Variants in CSMD3 observed in about 807,000 individuals in gnomAD.
The protein encoded by CSMD3 is CUB and Sushi multiple domains 3.
Under a neutral mutation model 435.2 loss-of-function variants are expected in CSMD3, and 177 were observed. The observed-to-expected ratio is 0.41, with a 90% CI of 0.36 to 0.46. The LOEUF (loss-of-function observed/expected upper bound fraction) is 0.46. Among genes scored for constraint, CSMD3 ranks in the 20% least tolerant of loss-of-function variants. CSMD3 has a pLI of 0.34. For missense variants in CSMD3, 4,265 were observed against 4,504.6 expected (o/e 0.95, Z 1.52); for synonymous variants, 1,656 against 1,520.5 (o/e 1.09, Z -2.07).
intron 27 of CSMD3, among the ~76,000 whole-genome samples, chr8:112,539,881 A>G (rs1826495922): frequency 6.6e-6 from 1 of 152,118 alleles, no homozygotes; most frequent in Admixed American, 6.6e-5. Context: ...CAGGCAACAC[A>G]AGCAAAACTA....
At chr8:112,471,439 T>G (rs748447189) in intron 32 of CSMD3, among the ~76,000 whole-genome samples, 6 of 152,198 alleles carry the variant, frequency 3.9e-5, no homozygotes, top group South Asian at 2.1e-4. Flanking sequence ...AACCTTTGAT[T>G]CAACCGATCA....
chr8:113,394,667 C>T (rs1347911404), intron 1 of CSMD3, among the ~76,000 whole-genome samples: 1 of 152,002 alleles, frequency 6.6e-6, no homozygotes, highest in African/African-American at 2.4e-5. Flanking sequence ...ATCTTTGATG[C>T]TTTTGGACTA....
At chr8:113,410,973 A>AG (rs2094556953) in intron 1 of CSMD3, among the ~76,000 whole-genome samples, 3 of 147,318 alleles carry the variant, frequency 2.0e-5, no homozygotes, top group African/African-American at 7.5e-5. Flanking sequence ...GGAGGGAGGA[A>AG]GAAAGGAAGG....
At chr8:112,695,712 GT>G (rs2076238230) in intron 13 of CSMD3, among the ~76,000 whole-genome samples, 1 of 152,164 alleles carries the variant, frequency 6.6e-6, no homozygotes, top group East Asian at 1.9e-4. Context: ...ATTCAACATA[GT>G]GTTGGAAGTT....
intron 13 of CSMD3, among the ~76,000 whole-genome samples, chr8:112,714,192 G>A (rs1450312725): frequency 6.6e-6 from 1 of 151,610 alleles, no homozygotes; most frequent in East Asian, 1.9e-4. Flanking sequence ...TATGTGCACA[G>A]GCACACACAG....
At chr8:113,428,504 G>A (rs55861700) in intron 1 of CSMD3, among the ~76,000 whole-genome samples, 2,388 of 151,750 alleles carry the variant, frequency 0.016, 33 homozygotes, top group Non-Finnish European at 0.021. Context: ...TGTATTACTC[G>A]AAAATGGAGA....
Position 112,517,176 on chromosome 8 carries a change from A to G in CSMD3, c.4614T>C (p.Thr1538=), listed in dbSNP as rs892309970. ...CAGGTTCTCTTCCATCCCCATTTCG[A>G]GTCCCATTCATGGGGACCCCTGGGT... The part of the protein sequence containing the change: ...CRDPGVPMNG[T]RNGDGREPGD... Residue 1538 remains threonine (T), a synonymous_variant, in exon 28 of 71, where the codon ACT becomes ACC. Transcript: ENST00000297405. The G allele has an allele frequency of 1.2e-6, 2 of 1,613,756 alleles. No homozygotes were observed. Among genetic ancestry groups the G allele is most frequent in the South Asian group, 1.1e-5 (1 of 91,078 alleles).
chr8:112,387,465 A>ATGTGTGTGTGTG (rs34034900), intron 36 of CSMD3, among the ~76,000 whole-genome samples: 2,516 of 144,176 alleles, frequency 0.017, 30 homozygotes, highest in Middle Eastern at 0.045. Flanking sequence ...GTCATATATT[A>ATGTGTGTGTGTG]TGTGTGTGTG....
intron 3 of CSMD3, among the ~76,000 whole-genome samples, chr8:113,206,315 C>T (rs1334642710): frequency 4.6e-5 from 7 of 152,096 alleles, no homozygotes; most frequent in African/African-American, 1.7e-4. Context: ...CATTGCCATC[C>T]ATCAAAATTC....
chr8:112,359,697 A>G (rs1464450256), intron 38 of CSMD3, among the ~76,000 whole-genome samples: 2 of 152,114 alleles, frequency 1.3e-5, no homozygotes, highest in Non-Finnish European at 2.9e-5. Context: ...GTCAGGCAGT[A>G]AAGATCAGGA....
At chr8:112,348,466 C>T (rs1259187516) in intron 40 of CSMD3, among the ~76,000 whole-genome samples, 1 of 152,140 alleles carries the variant, frequency 6.6e-6, no homozygotes, top group Non-Finnish European at 1.5e-5. Context: ...TTAAGACATT[C>T]GCTGAATCAG....
At chr8:112,427,193 A>C (rs1813150635) in intron 32 of CSMD3, among the ~76,000 whole-genome samples, 1 of 152,206 alleles carries the variant, frequency 6.6e-6, no homozygotes, top group Non-Finnish European at 1.5e-5. Context: ...GCCTGTCTAC[A>C]ACTAAACTCA....
chr8:112,790,863 C>T (rs1009360173), intron 13 of CSMD3, among the ~76,000 whole-genome samples: 12 of 152,114 alleles, frequency 7.9e-5, no homozygotes, highest in African/African-American at 2.7e-4. Context: ...TGAAATAATA[C>T]AGCTTACACT....
chr8:112,474,797 C>T (rs889574825), intron 31 of CSMD3, among the ~76,000 whole-genome samples: 2 of 152,100 alleles, frequency 1.3e-5, no homozygotes, highest in East Asian at 1.9e-4. Flanking sequence ...ACAAACAGTA[C>T]GTTGTATTGC....
chr8:112,750,262 A>T (rs1032421255), intron 13 of CSMD3, among the ~76,000 whole-genome samples: 17 of 151,842 alleles, frequency 1.1e-4, no homozygotes, highest in African/African-American at 3.1e-4. Context: ...CATAATTTTT[A>T]AAATTATATT....
intron 7 of CSMD3, among the ~76,000 whole-genome samples, chr8:112,968,052 A>G (rs2084490867): frequency 6.6e-6 from 1 of 151,866 alleles, no homozygotes; most frequent in Non-Finnish European, 1.5e-5. Context: ...CTCCAAATAA[A>G]GAAGTTTTCG....
At chr8:112,489,845 C>T (rs1820513173) in intron 31 of CSMD3, among the ~76,000 whole-genome samples, 1 of 152,054 alleles carries the variant, frequency 6.6e-6, no homozygotes, top group African/African-American at 2.4e-5. Flanking sequence ...TATTCGATTT[C>T]CATAATATCA....
At chr8:112,340,204 G>C (rs1261325780) in intron 42 of CSMD3, among the ~76,000 whole-genome samples, 1 of 152,174 alleles carries the variant, frequency 6.6e-6, no homozygotes, top group Non-Finnish European at 1.5e-5. Flanking sequence ...GAGTCTTCTA[G>C]CAGCAAAGAA....
chr8:113,393,361 T>C (rs547387367), intron 1 of CSMD3, among the ~76,000 whole-genome samples: 1 of 152,166 alleles, frequency 6.6e-6, no homozygotes, highest in Non-Finnish European at 1.5e-5. Context: ...TCTGAAGATA[T>C]AAAAGTAACT....
Sources: gnomAD v4.1 joint callset for allele counts (sites outside exome capture counted in the v4.1 genomes callset) on GRCh38, gnomAD v4.1.1 for gene constraint, MANE v1.5 for transcripts, NCBI Gene and HGNC (gene_info 2026-07-23, HGNC 2026-07-21) for gene names.